C8A: variants seen among roughly 807,000 people sequenced by gnomAD.
The protein encoded by C8A is complement C8 alpha chain.
A neutral mutation model predicts 65.3 loss-of-function variants in C8A; 67 were observed. The ratio of observed to expected loss-of-function variants is 1.03; its 90% confidence interval spans 0.84 to 1.26. The LOEUF is 1.26. Among genes scored for constraint, C8A ranks in the 50% most tolerant of loss-of-function variants. The pLI is 0.00. For synonymous variants in C8A, 290 were observed against 259.4 expected (o/e 1.12, Z -1.13); for missense variants, 781 against 723.9 (o/e 1.08, Z -0.90).
intron 7 of C8A, among the ~76,000 whole-genome samples, chr1:56,900,903 C>T (rs1007540350): frequency 1.3e-5 from 2 of 152,104 alleles, no homozygotes; most frequent in South Asian, 2.1e-4. Context: ...AAATACTATG[C>T]TGGAGAGAAG....
rs923948777 is a variant in C8A, at chr1:56,854,841, A to G, written c.-61A>G. ...CAGCCTGTAGACATCTTTTACTCCA[A>G]TTTCCTGAATAGATAGCTTTATTCC... On this transcript the variant is annotated 5_prime_UTR_variant, in exon 1 of 11. Coordinates refer to ENST00000361249, the MANE Select transcript of C8A (RefSeq NM_000562.3). 3.4e-6 allele frequency: 5 copies of G among 1,463,144 alleles called. No homozygotes were observed. Among genetic ancestry groups the G allele is most frequent in the African/African-American group, 1.4e-5 (1 of 72,266 alleles). 90.6% of individuals were successfully genotyped at this position (1,463,144 alleles called of 1,614,324 possible). A position where few individuals can be genotyped will look rare whatever the true frequency, so the allele number is the denominator to read the frequency against.
At chr1:56,868,842 C>T (rs890373858) in intron 2 of C8A, among the ~76,000 whole-genome samples, 3 of 152,030 alleles carry the variant, frequency 2.0e-5, no homozygotes, top group African/African-American at 7.2e-5. Flanking sequence ...TGCATTGTTA[C>T]TTTGGGAATA....
intron 1 of C8A, among the ~76,000 whole-genome samples, chr1:56,859,958 G>T (rs1188504562): frequency 6.6e-6 from 1 of 152,172 alleles, no homozygotes; most frequent in Non-Finnish European, 1.5e-5. Flanking sequence ...AGCTGCTCGG[G>T]AGACTGAGGC....
intron 7 of C8A, among the ~76,000 whole-genome samples, chr1:56,890,382 A>C (rs1158684575): frequency 6.6e-6 from 1 of 152,188 alleles, no homozygotes; most frequent in Non-Finnish European, 1.5e-5. Context: ...ACATGTGAAA[A>C]GAACAAAATC....
intron 2 of C8A, 55 bp downstream of exon 2, chr1:56,867,757 C>A (rs889315853): frequency 2.3e-6 from 3 of 1,280,010 alleles, no homozygotes; most frequent in Non-Finnish European, 3.4e-6. Flanking sequence ...GTGTATTAGG[C>A]ATTCAAATGG....
At chr1:56,890,680 A>G (rs1644337686) in intron 7 of C8A, among the ~76,000 whole-genome samples, 1 of 151,368 alleles carries the variant, frequency 6.6e-6, no homozygotes, top group African/African-American at 2.4e-5. Flanking sequence ...TGTTCCTGTA[A>G]CTCTCTGGCA....
At chr1:56,887,060 G>A (rs1374375270) in intron 7 of C8A, among the ~76,000 whole-genome samples, 2 of 152,138 alleles carry the variant, frequency 1.3e-5, no homozygotes, top group Non-Finnish European at 2.9e-5. Context: ...TGTTCAATGA[G>A]TGAGAGGAAG....
At chr1:56,899,609 C>A (rs1212957911) in intron 7 of C8A, among the ~76,000 whole-genome samples, 4 of 152,154 alleles carry the variant, frequency 2.6e-5, no homozygotes, top group Non-Finnish European at 5.9e-5. Context: ...CTGGGCTAAC[C>A]ACTTATACTG....
At chr1:56,871,807 G>A (rs973039059) in intron 2 of C8A, among the ~76,000 whole-genome samples, 5 of 152,196 alleles carry the variant, frequency 3.3e-5, no homozygotes, top group Non-Finnish European at 7.3e-5. Context: ...TTTAGAGTAA[G>A]AAAGAAGATT....
At chr1:56,907,898 A>T (rs1328873517) in intron 8 of C8A, 58 bp from the exon 9 acceptor site, 23 of 1,598,504 alleles carry the variant, frequency 1.4e-5, no homozygotes, top group Non-Finnish European at 1.9e-5. Context: ...GGGGTTTGTC[A>T]ACCAGTCCTT....
intron 6 of C8A, among the ~76,000 whole-genome samples, 155 bp from the exon 7 acceptor site, chr1:56,885,772 G>A (rs139789526): frequency 0.12 from 18,539 of 151,770 alleles, 1,504 homozygotes; most frequent in Middle Eastern, 0.19. Context: ...GGATGGTCTC[G>A]ATCTCCTGAC....
chr1:56,861,084 G>T (rs1272773360), intron 1 of C8A, among the ~76,000 whole-genome samples: 2 of 152,194 alleles, frequency 1.3e-5, no homozygotes, highest in African/African-American at 4.8e-5. Flanking sequence ...GCCAGCATCT[G>T]CTTGGCTTCT....
chr1:56,854,995 T>A lies in C8A; in HGVS notation c.77+17T>A. ...GGTGAACCAGTAAGTGGGCCATATG[T>A]CTCTGCAAAACTTGCACGTAGGAAT... On this transcript the variant is annotated intron_variant, in intron 1 of 10. Coordinates refer to ENST00000361249, the MANE Select transcript of C8A (RefSeq NM_000562.3). 1 of 1,603,978 alleles carries A rather than the reference T, an allele frequency of 6.2e-7. No individual in the cohort carries two copies. The highest frequency in any genetic ancestry group is 2.2e-5 in the East Asian group (1 of 44,804).
At chr1:56,872,394 A>C (rs1169331984) in intron 2 of C8A, among the ~76,000 whole-genome samples, 1 of 152,222 alleles carries the variant, frequency 6.6e-6, no homozygotes, top group Non-Finnish European at 1.5e-5. Flanking sequence ...AAAAAGTCTG[A>C]GATGCTTTCC....
rs558877353 is a variant in C8A, at chr1:56,906,560, T to C, written c.1097-107T>C. On this transcript the variant is annotated intron_variant, in intron 7 of 10. Transcript: ENST00000361249. ...GAACCGGGCTTTCAACCCAGGCCTTTTGGACTCCAAAGCTGAAGCTAGCTT... is the reference window on the plus strand; with the variant it reads ...GAACCGGGCTTTCAACCCAGGCCTTCTGGACTCCAAAGCTGAAGCTAGCTT... 1.1e-4 allele frequency: 154 copies of C among 1,356,852 alleles called. 1 individual carries two copies. The Admixed American group carries it at 2.5e-3, about 22-fold the overall frequency. 84.1% of individuals were successfully genotyped at this position (1,356,852 alleles called of 1,614,324 possible).
At chr1:56,863,987 C>T (rs1165146213) in intron 1 of C8A, among the ~76,000 whole-genome samples, 2 of 151,860 alleles carry the variant, frequency 1.3e-5, no homozygotes, top group African/African-American at 2.4e-5. Flanking sequence ...ATGGGTCTGG[C>T]CCATGATAGG....
intron 9 of C8A, among the ~76,000 whole-genome samples, chr1:56,910,857 TCAGTCCTACTGCTGACTTGCTCTGGCA>T (rs969864058): frequency 4.6e-5 from 7 of 152,182 alleles, no homozygotes; most frequent in South Asian, 2.1e-4. Flanking sequence ...GTAATGTGGC[TCAGTCCTACTGCTGACTTGCTCTGGCA>T]CAGTCCTACT....
At chr1:56,895,625 A>G (rs1644382204) in intron 7 of C8A, among the ~76,000 whole-genome samples, 1 of 152,226 alleles carries the variant, frequency 6.6e-6, no homozygotes, top group Non-Finnish European at 1.5e-5. Context: ...AAAGTATGTC[A>G]CACAAAGTGT....
At chr1:56,884,299 T>C (rs1013973319) in intron 6 of C8A, among the ~76,000 whole-genome samples, 5 of 151,794 alleles carry the variant, frequency 3.3e-5, no homozygotes, top group Admixed American at 2.0e-4. Flanking sequence ...ACACAAAAAC[T>C]TGGGATTGAA....
Sources: gnomAD v4.1 joint callset for allele counts (sites outside exome capture counted in the v4.1 genomes callset) on GRCh38, gnomAD v4.1.1 for gene constraint, MANE v1.5 for transcripts, NCBI Gene and HGNC (gene_info 2026-07-23, HGNC 2026-07-21) for gene names.